Variants in ARHGAP10 observed in about 807,000 individuals in gnomAD.
ARHGAP10 encodes rho GTPase-activating protein 10.
ARHGAP10 carries 87 observed loss-of-function variants against 108.6 expected under a neutral mutation model. The observed-to-expected ratio is 0.80, with a 90% confidence interval of 0.67 to 0.96. The LOEUF is 0.96. ARHGAP10 is among the 40% of genes least tolerant of loss of function. ARHGAP10 has a pLI of 0.00. For missense variants in ARHGAP10, 939 were observed against 954.5 expected, an observed-to-expected ratio of 0.98 and a Z score of 0.21; for synonymous variants, 347 against 341.1, an observed-to-expected ratio of 1.02 and a Z score of -0.19.
chr4:148,061,739 C>G (rs1031408713), intron 20 of ARHGAP10, among the ~76,000 whole-genome samples: 13 of 152,022 alleles, frequency 8.6e-5, no homozygotes, highest in Non-Finnish European at 2.9e-5. Context: ...TTAGAGCTTT[C>G]TAATTTGGTT....
chr4:148,010,429 C>G (rs536091530), intron 18 of ARHGAP10, among the ~76,000 whole-genome samples: 1 of 152,136 alleles, frequency 6.6e-6, no homozygotes, highest in Non-Finnish European at 1.5e-5. Flanking sequence ...AAACTATCAA[C>G]CTTGTAGGGT....
At position 147,841,371 on chromosome 4, in the gene ARHGAP10, C is replaced by T. The variant is rs1236590343; in HGVS notation, c.313-5780C>T. Among the ~76,000 whole-genome samples the T allele has an allele frequency of 2.6e-5, 4 of 152,294 alleles. No individual in the cohort carries two copies. The East Asian group carries it at 7.7e-4, about 29-fold the overall frequency. ...TATAAAATCACATTCTGTACTTGTT[C>T]TCTTATCTAATTTCTAATATGTTAG... On this transcript the variant is annotated intron_variant, in intron 3 of 22. Coordinates refer to ENST00000336498, the MANE Select transcript of ARHGAP10 (RefSeq NM_024605.4).
At chr4:148,008,532 C>A (rs1245126089) in intron 18 of ARHGAP10, among the ~76,000 whole-genome samples, 4 of 151,486 alleles carry the variant, frequency 2.6e-5, no homozygotes, top group Non-Finnish European at 5.9e-5. Context: ...TGTTGAACAT[C>A]TTACAGTGCA....
At chr4:147,882,415 A>G (rs1006721293) in intron 10 of ARHGAP10, among the ~76,000 whole-genome samples, 7 of 151,098 alleles carry the variant, frequency 4.6e-5, no homozygotes, top group African/African-American at 1.7e-4. Context: ...GTGAGCCAAG[A>G]TGGTGCCACT....
chr4:147,732,876 C>T (rs963504798), intron 1 of ARHGAP10, among the ~76,000 whole-genome samples: 1 of 152,212 alleles, frequency 6.6e-6, no homozygotes, highest in African/African-American at 2.4e-5. Flanking sequence ...TGTGACTTCT[C>T]AAAAGAAATT....
rs1015184881 is a variant in ARHGAP10, at chr4:148,055,588, C to A, written c.2028-7560C>A. Among the ~76,000 whole-genome samples the A allele has an allele frequency of 4.6e-5, 7 of 152,040 alleles. No homozygotes were observed. The East Asian group carries it at 1.2e-3, about 25-fold the overall frequency. On this transcript the variant is annotated intron_variant, in intron 20 of 22. Transcript: ENST00000336498. ...CCTGTAATCCCAGCTACTCGGGAGG[C>A]GAAGCACGAGAATTGCTTGAACCTG...
chr4:147,861,814 A>T (rs1393932857), intron 5 of ARHGAP10: 1 of 152,302 alleles, frequency 6.6e-6, no homozygotes, highest in Non-Finnish European at 1.5e-5. Context: ...GGCTGAGTCC[A>T]GAGTTTTTCT....
At chr4:147,900,644 A>C (rs1736199380) in intron 10 of ARHGAP10, among the ~76,000 whole-genome samples, 1 of 152,196 alleles carries the variant, frequency 6.6e-6, no homozygotes, top group Non-Finnish European at 1.5e-5. Flanking sequence ...TTCTCAGCTG[A>C]ACCAGTAGAA....
At chr4:147,743,868 A>G (rs7685847) in intron 1 of ARHGAP10, among the ~76,000 whole-genome samples, 152,253 of 152,378 alleles carry the variant, frequency 1, 76,064 homozygotes, top group Non-Finnish European at 1. Context: ...AAAGTACTTA[A>G]AAAAATTGCC....
intron 19 of ARHGAP10, among the ~76,000 whole-genome samples, chr4:148,030,880 A>C (rs1307814733): frequency 6.6e-6 from 1 of 152,144 alleles, no homozygotes; most frequent in African/African-American, 2.4e-5. Context: ...AGAAAAAAAA[A>C]AACCATTTAA....
intron 19 of ARHGAP10, among the ~76,000 whole-genome samples, chr4:148,043,461 T>C (rs1384527089): frequency 1.3e-5 from 2 of 151,460 alleles, no homozygotes; most frequent in Non-Finnish European, 2.9e-5. Flanking sequence ...TTCTCAATTT[T>C]AAGTTAGCTT....
At chr4:147,865,617 A>T (rs946517795) in intron 6 of ARHGAP10, 6 of 152,200 alleles carry the variant, frequency 3.9e-5, no homozygotes, top group Non-Finnish European at 8.8e-5. Flanking sequence ...ATTCATTTTA[A>T]TTTTAATATC....
chr4:147,881,911 T>G lies in ARHGAP10; in HGVS notation c.1013T>G (p.Phe338Cys). The G allele has an allele frequency of 1.2e-6, 2 of 1,614,140 alleles. No homozygotes were observed. The highest frequency in any genetic ancestry group is 1.7e-6 in the Non-Finnish European group (2 of 1,179,990). The change falls in exon 10 of 23, where the codon TTT becomes TGT. Residue 338 changes from phenylalanine to cysteine, a missense_variant. Physicochemically the swap from Phe to Cys is radical, Grantham distance 205. Coordinates refer to ENST00000336498, the MANE Select transcript of ARHGAP10 (RefSeq NM_024605.4). ...HTDSIDRRFC[F>C]DIEAADRPGV... ...GACTCCATTGACAGAAGGTTTTGTT[T>G]TGACATAGAAGCTGCTGATCGGTAA... is the stretch of plus-strand genomic sequence containing the variant.
At chr4:147,963,339 C>A (rs902892967) in intron 16 of ARHGAP10, among the ~76,000 whole-genome samples, 6 of 152,194 alleles carry the variant, frequency 3.9e-5, no homozygotes, top group African/African-American at 1.4e-4. Flanking sequence ...TCTCCAAGGG[C>A]TCTCCATTAT....
chr4:147,842,339 T>C (rs1733450692), intron 3 of ARHGAP10, among the ~76,000 whole-genome samples: 1 of 152,202 alleles, frequency 6.6e-6, no homozygotes, highest in Non-Finnish European at 1.5e-5. Context: ...TGACCTAAGA[T>C]TGCTCTTGTG....
chr4:147,915,312 T>A (rs1049554488), intron 13 of ARHGAP10, among the ~76,000 whole-genome samples: 4 of 152,248 alleles, frequency 2.6e-5, no homozygotes, highest in Non-Finnish European at 4.4e-5. Context: ...GCAATTTGTT[T>A]CTTATCCTGG....
chr4:147,886,526 T>C (rs1220333642), intron 10 of ARHGAP10, among the ~76,000 whole-genome samples: 2 of 152,240 alleles, frequency 1.3e-5, no homozygotes, highest in Non-Finnish European at 2.9e-5. Flanking sequence ...GCACTCACTT[T>C]CTTCCTTAAC....
chr4:147,895,800 G>C (rs1017173164), intron 10 of ARHGAP10, among the ~76,000 whole-genome samples: 2 of 152,156 alleles, frequency 1.3e-5, no homozygotes, highest in African/African-American at 2.4e-5. Context: ...GGCAGAAGTG[G>C]TGTTATTGGC....
At chr4:148,044,744 C>T (rs1023098377) in intron 19 of ARHGAP10, among the ~76,000 whole-genome samples, 2 of 152,078 alleles carry the variant, frequency 1.3e-5, no homozygotes, top group Non-Finnish European at 2.9e-5. Context: ...AAGAACTGGA[C>T]GGAGTTGAGC....
Sources: gnomAD v4.1 joint callset for allele counts (sites outside exome capture counted in the v4.1 genomes callset) on GRCh38, gnomAD v4.1.1 for gene constraint, MANE v1.5 for transcripts, NCBI Gene and HGNC (gene_info 2026-07-23, HGNC 2026-07-21) for gene names.